Variants in PSD3 observed in about 807,000 individuals in gnomAD.
The protein encoded by PSD3 is pleckstrin and Sec7 domain containing 3, also known as PH and SEC7 domain-containing protein 3.
PSD3 carries 49 observed loss-of-function variants against 105.5 expected under a neutral mutation model. That is an observed-to-expected ratio of 0.46 (90% confidence interval 0.37 to 0.59). The LOEUF is 0.59. PSD3 is among the 20% of genes least tolerant of loss of function. The pLI is 0.00. For missense variants in PSD3, 1,561 were observed against 1,263.8 expected (o/e 1.24, Z -3.57); for synonymous variants, 557 against 457.8 (o/e 1.22, Z -2.77).
At chr8:18,971,198 G>C (rs1324604544) in intron 1 of PSD3, among the ~76,000 whole-genome samples, 1 of 152,118 alleles carries the variant, frequency 6.6e-6, no homozygotes, top group Non-Finnish European at 1.5e-5. Context: ...GTTAGTTTAG[G>C]TAGAAAAGGT....
At chr8:18,853,625 A>G (rs1815767173) in intron 4 of PSD3, among the ~76,000 whole-genome samples, 1 of 152,156 alleles carries the variant, frequency 6.6e-6, no homozygotes, top group Admixed American at 6.5e-5. Context: ...TCTAAGGTGA[A>G]TCACCTTTCC....
intron 4 of PSD3, among the ~76,000 whole-genome samples, chr8:18,847,848 A>T (rs1047845507): frequency 6.6e-6 from 1 of 152,234 alleles, no homozygotes; most frequent in Non-Finnish European, 1.5e-5. Context: ...CCATAGCAGC[A>T]TAACAACTTA....
At position 18,679,003 on chromosome 8, in the gene PSD3, AC is replaced by A. The variant is rs1358722361; in HGVS notation, c.2173-23319del. Reference sequence around the variant, plus strand: ...ATGAGGTTAAAAATGTACTCCTTCAACTTAGGAATAACAAAAATATGTAAAG... The same window carrying A: ...ATGAGGTTAAAAATGTACTCCTTCAATTAGGAATAACAAAAATATGTAAAG... On this transcript the variant is annotated intron_variant, in intron 9 of 15. Coordinates refer to ENST00000327040, the MANE Select transcript of PSD3 (RefSeq NM_015310.4). Among the ~76,000 whole-genome samples the A allele has an allele frequency of 7.7e-5, 9 of 116,858 alleles. No individual in the cohort carries two copies. In the East Asian group the frequency reaches 1.3e-3, roughly 17 times the overall value. The allele number at this position is 116,858 out of a possible 152,430, so 76.7% of individuals were successfully genotyped here. A position where few individuals can be genotyped will look rare whatever the true frequency, so the allele number is the denominator to read the frequency against.
intron 12 of PSD3, among the ~76,000 whole-genome samples, chr8:18,577,842 C>T (rs927827176): frequency 6.6e-6 from 1 of 152,044 alleles, no homozygotes; most frequent in African/African-American, 2.4e-5. Context: ...GATTTAACTG[C>T]ATCTATGTTT....
rs577712686 is a variant in PSD3 at position 18,758,080 on chromosome 8, G to T, written c.2172+7369C>A. Among the ~76,000 whole-genome samples, 3 of 152,098 alleles carry T rather than the reference G, an allele frequency of 2.0e-5. No homozygotes were observed. The East Asian group carries it at 5.8e-4, about 30-fold the overall frequency. On this transcript the variant is annotated intron_variant, in intron 9 of 15. Coordinates refer to ENST00000327040, the MANE Select transcript of PSD3 (RefSeq NM_015310.4). ...GTTGTAAGAAAAGAACAGAGTCCTT[G>T]TGCCATTTACCCAGTATCCTCCAAT...
chr8:18,725,630 G>C (rs1388409584), intron 9 of PSD3, among the ~76,000 whole-genome samples: 1 of 152,126 alleles, frequency 6.6e-6, no homozygotes, highest in Non-Finnish European at 1.5e-5. Context: ...GCCAGGGACA[G>C]GAAGAAGAAG....
chr8:18,587,305 C>G (rs141868303), intron 12 of PSD3, among the ~76,000 whole-genome samples: 1 of 152,266 alleles, frequency 6.6e-6, no homozygotes, highest in East Asian at 1.9e-4. Context: ...TGACCTCTCA[C>G]TCAAAGAGCT....
intron 1 of PSD3, among the ~76,000 whole-genome samples, chr8:19,070,369 C>CA (rs10561436): frequency 0.029 from 3,830 of 133,478 alleles, 132 homozygotes; most frequent in African/African-American, 0.089. Flanking sequence ...ATGTCATGTG[C>CA]AAAAAAAAAA....
At chr8:19,047,297 C>T (rs1040816605) in intron 1 of PSD3, among the ~76,000 whole-genome samples, 7 of 152,262 alleles carry the variant, frequency 4.6e-5, no homozygotes, top group Admixed American at 3.3e-4. Context: ...CTCCCTGTGG[C>T]CTCCAGGGTA....
intron 4 of PSD3, among the ~76,000 whole-genome samples, chr8:18,826,828 C>T (rs1394195710): frequency 1.3e-5 from 2 of 152,148 alleles, no homozygotes; most frequent in Non-Finnish European, 1.5e-5. Context: ...GTACTTTCTA[C>T]CTTTCAAATG....
intron 12 of PSD3, among the ~76,000 whole-genome samples, chr8:18,588,293 G>T (rs762870858): frequency 2.0e-5 from 3 of 152,146 alleles, no homozygotes; most frequent in Non-Finnish European, 4.4e-5. Context: ...CAATCAGGTA[G>T]ATATAGCCAT....
At chr8:18,741,925 A>T (rs912709413) in intron 9 of PSD3, among the ~76,000 whole-genome samples, 1 of 152,194 alleles carries the variant, frequency 6.6e-6, no homozygotes, top group Non-Finnish European at 1.5e-5. Flanking sequence ...ATGAGATCTA[A>T]AAGATTTAAA....
At chr8:18,949,647 C>T (rs1463937025) in intron 1 of PSD3, among the ~76,000 whole-genome samples, 2 of 152,008 alleles carry the variant, frequency 1.3e-5, no homozygotes, top group African/African-American at 4.8e-5. Flanking sequence ...GGACATAAAT[C>T]GTGACCAGAT....
chr8:18,633,972 G>C (rs1262249682), intron 10 of PSD3, among the ~76,000 whole-genome samples: 1 of 151,582 alleles, frequency 6.6e-6, no homozygotes, highest in Non-Finnish European at 1.5e-5. Context: ...ACTGGTGTCA[G>C]ATGGTATCTC....
At chr8:18,801,793 A>G (rs1312657378) in intron 6 of PSD3, among the ~76,000 whole-genome samples, 2 of 151,864 alleles carry the variant, frequency 1.3e-5, no homozygotes. Flanking sequence ...GCGCCACTAC[A>G]CTCCAGCCTA....
chr8:18,780,368 T>C (rs1808490856), intron 8 of PSD3, among the ~76,000 whole-genome samples: 1 of 152,266 alleles, frequency 6.6e-6, no homozygotes, highest in East Asian at 1.9e-4. Context: ...TGTTTTTCTA[T>C]TCAGCCAATC....
At chr8:18,798,877 AG>A (rs56326819) in intron 8 of PSD3, among the ~76,000 whole-genome samples, 39,587 of 152,072 alleles carry the variant, frequency 0.26, 5,710 homozygotes, top group South Asian at 0.35. Context: ...AGATAAGCTG[AG>A]GGGCACAAGA....
chr8:18,685,107 G>C (rs775861114), intron 9 of PSD3, among the ~76,000 whole-genome samples: 1 of 152,108 alleles, frequency 6.6e-6, no homozygotes, highest in African/African-American at 2.4e-5. Context: ...TGGGAAAAAC[G>C]TCAGCCTCAA....
intron 1 of PSD3, among the ~76,000 whole-genome samples, chr8:19,012,026 C>T (rs1563508518): frequency 6.6e-6 from 1 of 152,160 alleles, no homozygotes; most frequent in Non-Finnish European, 1.5e-5. Context: ...CTACCTAATC[C>T]CCTCACCCTA....
Sources: allele counts gnomAD v4.1 joint callset (sites outside exome capture counted in the v4.1 genomes callset), GRCh38; gene constraint gnomAD v4.1.1; transcripts MANE v1.5; gene names NCBI Gene and HGNC (gene_info 2026-07-23, HGNC 2026-07-21).